CACNA2D4: variants seen among roughly 807,000 people sequenced by gnomAD.
The protein encoded by CACNA2D4 is voltage-dependent calcium channel subunit alpha-2/delta-4.
In CACNA2D4, 157 loss-of-function variants were observed where a neutral mutation model predicts 163.8. That is an observed-to-expected ratio of 0.96 (90% CI 0.84 to 1.09). CACNA2D4 has a LOEUF of 1.09. Among genes scored for constraint, CACNA2D4 ranks in the 50% least tolerant of loss-of-function variants. CACNA2D4 has a pLI of 0.00. For missense variants in CACNA2D4, 1,410 were observed against 1,479.9 expected, an observed-to-expected ratio of 0.95 and a Z score of 0.78; for synonymous variants, 598 against 586.9, an observed-to-expected ratio of 1.02 and a Z score of -0.27.
chr12:1,852,961 T>C (rs1449857633), intron 23 of CACNA2D4, among the ~76,000 whole-genome samples: 1 of 152,182 alleles, frequency 6.6e-6, no homozygotes, highest in Non-Finnish European at 1.5e-5. Context: ...GAGGATCAAA[T>C]GGGTTATATA....
chr12:1,896,035 T>C (rs1388732444), intron 6 of CACNA2D4, among the ~76,000 whole-genome samples: 4 of 152,290 alleles, frequency 2.6e-5, no homozygotes, highest in Admixed American at 1.3e-4. Flanking sequence ...GATTTCCATA[T>C]GCAGAAGAAT....
intron 25 of CACNA2D4, among the ~76,000 whole-genome samples, chr12:1,842,022 A>T (rs1363563989): frequency 6.6e-6 from 1 of 152,200 alleles, no homozygotes; most frequent in African/African-American, 2.4e-5. Context: ...CCTGGGTCCC[A>T]CAGCCCATTT....
rs377592099 is a variant in CACNA2D4, at chr12:1,907,226, T to TTTCA, written c.781+210_781+213dup. Among the ~76,000 whole-genome samples the TTTCA allele has an allele frequency of 3.0e-3, 455 of 152,358 alleles. 5 individuals are homozygous for TTTCA. The highest frequency in any genetic ancestry group is 0.01 in the African/African-American group (419 of 41,580). ...TGACTGGTTTCATGGTGTTTGATGG[T>TTTCA]TTCATTCATTCATTCATTCATCCAT... is the stretch of plus-strand genomic sequence containing the variant. On this transcript the variant is annotated intron_variant, in intron 6 of 37. Coordinates refer to ENST00000382722, the MANE Select transcript of CACNA2D4 (RefSeq NM_172364.5).
Position 1,793,632 on chromosome 12 carries a change from AAC to A in CACNA2D4, c.*21_*22del, listed in dbSNP as rs767137140. On this transcript the variant is annotated 3_prime_UTR_variant, in exon 38 of 38. Coordinates refer to ENST00000382722, the MANE Select transcript of CACNA2D4 (RefSeq NM_172364.5). ...GGCTCTGGAAGGATCACCTTGCCAA[AAC>A]ACAGGTCAGGCTGGGTGGTGTCACC... 3 of 1,606,698 alleles carry A rather than the reference AAC, an allele frequency of 1.9e-6. 1 individual carries two copies. The Admixed American group carries it at 5.0e-5, about 27-fold the overall frequency.
At chr12:1,892,016 A>G (rs534700325) in intron 6 of CACNA2D4, among the ~76,000 whole-genome samples, 1 of 152,362 alleles carries the variant, frequency 6.6e-6, no homozygotes, top group Admixed American at 6.5e-5. Context: ...ACAAAATACT[A>G]GCTGGAAACT....
chr12:1,822,788 G>T (rs1003555165), intron 26 of CACNA2D4, among the ~76,000 whole-genome samples: 1 of 152,178 alleles, frequency 6.6e-6, no homozygotes, highest in Non-Finnish European at 1.5e-5. Flanking sequence ...AGAGGGCCTG[G>T]GTGCCCAGAC....
intron 22 of CACNA2D4, among the ~76,000 whole-genome samples, chr12:1,855,250 C>G (rs1860053): frequency 0.73 from 110,539 of 152,110 alleles, 40,812 homozygotes; most frequent in Non-Finnish European, 0.79. Context: ...GGGCCTGACA[C>G]AGGGTGCAAG....
intron 6 of CACNA2D4, among the ~76,000 whole-genome samples, chr12:1,896,955 T>C: frequency 6.6e-6 from 1 of 152,182 alleles, no homozygotes; most frequent in Admixed American, 6.5e-5. Context: ...AATGGAATAT[T>C]TGGCCACCAA....
chr12:1,826,857 C>T (rs1864353061), intron 26 of CACNA2D4, among the ~76,000 whole-genome samples: 1 of 152,238 alleles, frequency 6.6e-6, no homozygotes, highest in African/African-American at 2.4e-5. Flanking sequence ...GAAACCTGCA[C>T]AGACAGGCCA....
chr12:1,896,169 T>C (rs892835778), intron 6 of CACNA2D4, among the ~76,000 whole-genome samples: 3 of 152,146 alleles, frequency 2.0e-5, no homozygotes, highest in African/African-American at 7.2e-5. Flanking sequence ...TTAAGAACAT[T>C]AGTCTCTACA....
At position 1,887,813 on chromosome 12, in the gene CACNA2D4, G is replaced by A. The variant is rs143056659; in HGVS notation, c.782-744C>T. On this transcript the variant is annotated intron_variant, in intron 6 of 37. Transcript: ENST00000382722. ...TAAAAGAAGAAGAGTAAAAATAACAGGTGGAATTGCAATATGTTGTGATTG... is the reference window on the plus strand; with the variant it reads ...TAAAAGAAGAAGAGTAAAAATAACAAGTGGAATTGCAATATGTTGTGATTG... Among the ~76,000 whole-genome samples, 678 of 152,270 alleles carry A rather than the reference G, an allele frequency of 4.5e-3. 2 individuals are homozygous for A. Among genetic ancestry groups the A allele is most frequent in the African/African-American group, 0.016 (659 of 41,550 alleles).
At chr12:1,816,890 A>T (rs1360341828) in intron 26 of CACNA2D4, among the ~76,000 whole-genome samples, 1 of 152,244 alleles carries the variant, frequency 6.6e-6, no homozygotes, top group Non-Finnish European at 1.5e-5. Context: ...ACATGCATAT[A>T]CACGTGCACC....
At chr12:1,800,461 C>T (rs751956282) in intron 31 of CACNA2D4, 23 bp from the exon 32 acceptor site, 18 of 1,613,196 alleles carry the variant, frequency 1.1e-5, no homozygotes, top group Middle Eastern at 1.6e-4. Flanking sequence ...GAGTGCACAC[C>T]GCTCGCACCT....
chr12:1,863,231 T>C (rs1484812929), intron 18 of CACNA2D4, among the ~76,000 whole-genome samples: 1 of 152,218 alleles, frequency 6.6e-6, no homozygotes, highest in Admixed American at 6.5e-5. Context: ...GAAAAATCAA[T>C]TGATAATATA....
At position 1,913,150 on chromosome 12, in the gene CACNA2D4, A is replaced by T. The variant is rs1866876376; in HGVS notation, c.310-11T>A. The T allele has an allele frequency of 6.3e-7, 1 of 1,581,982 alleles. No homozygotes were observed. Among genetic ancestry groups the T allele is most frequent in the African/African-American group, 1.3e-5 (1 of 74,446 alleles). ...CACATCCTTGTACTTCTGTTTGGGG[A>T]AAGTGGGAGAGATGCGTGCATGTGG... On this transcript the variant is annotated splice_polypyrimidine_tract_variant and intron_variant, in intron 2 of 37. Transcript: ENST00000382722.
At chr12:1,907,820 G>T in intron 5 of CACNA2D4, 55 bp downstream of exon 5, 1 of 1,591,220 alleles carries the variant, frequency 6.3e-7, no homozygotes, top group Non-Finnish European at 8.6e-7. Flanking sequence ...GTGTCTGGTG[G>T]GTGTGCTAGG....
intron 29 of CACNA2D4, among the ~76,000 whole-genome samples, chr12:1,809,096 A>G (rs1863629853): frequency 6.6e-6 from 1 of 152,240 alleles, no homozygotes. Flanking sequence ...CACTACCCCA[A>G]GGAGTTAGAT....
intron 3 of CACNA2D4, 114 bp from the exon 4 acceptor site, chr12:1,910,079 A>G (rs1020950516): frequency 1.2e-6 from 1 of 819,134 alleles, no homozygotes; most frequent in Non-Finnish European, 2.1e-6. Context: ...GTGTATGCCC[A>G]GAAGGATTGA....
intron 26 of CACNA2D4, among the ~76,000 whole-genome samples, chr12:1,824,708 G>T (rs1214506821): frequency 6.6e-6 from 1 of 152,238 alleles, no homozygotes; most frequent in African/African-American, 2.4e-5. Context: ...TGCTCTCCAA[G>T]CTTCCCAATG....
Sources: gnomAD v4.1 joint callset for allele counts (sites outside exome capture counted in the v4.1 genomes callset) on GRCh38, gnomAD v4.1.1 for gene constraint, MANE v1.5 for transcripts, NCBI Gene and HGNC (gene_info 2026-07-23, HGNC 2026-07-21) for gene names.